AKT3: variants seen among roughly 807,000 people sequenced by gnomAD.
The protein encoded by AKT3 is RAC-gamma serine/threonine-protein kinase.
AKT3 carries 15 observed loss-of-function variants against 65.3 expected under a neutral mutation model. The observed-to-expected ratio is 0.23, with a 90% CI of 0.15 to 0.35. The LOEUF (loss-of-function observed/expected upper bound fraction) is 0.35. Ranked by LOEUF, AKT3 falls within the 10% of genes least tolerant of loss-of-function variation. The pLI is 1.00. For synonymous variants in AKT3, 206 were observed against 183.8 expected (o/e 1.12, Z -0.98); for missense variants, 243 against 576.5 (o/e 0.42, Z 5.92).
chr1:243,512,436 G>GAA lies in AKT3; in HGVS notation c.1252-12_1252-11dup, dbSNP rs765620067. The GAA allele has an allele frequency of 6.8e-7, 1 of 1,472,406 alleles. No homozygotes were observed. The highest frequency in any genetic ancestry group is 9.3e-7 in the Non-Finnish European group (1 of 1,077,880). 91.2% of individuals were successfully genotyped at this position (1,472,406 alleles called of 1,614,324 possible). On this transcript the variant is annotated splice_polypyrimidine_tract_variant and intron_variant, in intron 12 of 13. Coordinates refer to ENST00000673466, the MANE Select transcript of AKT3 (RefSeq NM_005465.7). ...TAAAAGGAGGTACAAGCTGTAAAAA[G>GAA]AAAGAAAAAGAGTTTTATTAACTGA...
intron 3 of AKT3, among the ~76,000 whole-genome samples, chr1:243,690,764 T>C (rs952577590): frequency 2.6e-5 from 4 of 152,094 alleles, no homozygotes; most frequent in African/African-American, 9.7e-5. Flanking sequence ...ATTTATGTGA[T>C]AGTCGAGACA....
rs11386712 is a variant in AKT3 at position 243,673,611 on chromosome 1, AT to A, written c.173-8729del. On this transcript the variant is annotated intron_variant, in intron 3 of 13. Coordinates refer to ENST00000673466, the MANE Select transcript of AKT3 (RefSeq NM_005465.7). ...GTAAAATCTGAAAAATAATTATGAG[AT>A]TTTTTTTTTTTTTTTTTTTTTAGAC... 9.9e-3 allele frequency among the ~76,000 whole-genome samples: 1,224 copies of A among 124,132 alleles called. 20 individuals are homozygous for A. Among genetic ancestry groups the A allele is most frequent in the African/African-American group, 0.031 (1,017 of 32,744 alleles). The allele number at this position is 124,132 out of a possible 152,430, so 81.4% of individuals were successfully genotyped here.
intron 2 of AKT3, among the ~76,000 whole-genome samples, chr1:243,787,901 C>T (rs1362828003): frequency 6.6e-6 from 1 of 152,134 alleles, no homozygotes; most frequent in Non-Finnish European, 1.5e-5. Context: ...ACACCACTGC[C>T]ACTCTCTTCC....
chr1:243,658,088 A>G (rs1681961460), intron 4 of AKT3, among the ~76,000 whole-genome samples: 1 of 152,158 alleles, frequency 6.6e-6, no homozygotes, highest in African/African-American at 2.4e-5. Context: ...TGATGCTGAC[A>G]AAAGCAGTAA....
At chr1:243,658,524 T>C (rs1020887234) in intron 4 of AKT3, among the ~76,000 whole-genome samples, 4 of 152,146 alleles carry the variant, frequency 2.6e-5, no homozygotes, top group African/African-American at 9.7e-5. Flanking sequence ...TTGTTGGGAA[T>C]GTAAAATAAC....
intron 11 of AKT3, among the ~76,000 whole-genome samples, chr1:243,547,168 T>A (rs886709397): frequency 2.9e-4 from 44 of 151,738 alleles, no homozygotes; most frequent in African/African-American, 1.0e-3. Context: ...GTGGCCAGTT[T>A]CGAGCTACCA....
At chr1:243,507,190 G>A (rs1366908927) in intron 13 of AKT3, among the ~76,000 whole-genome samples, 1 of 152,234 alleles carries the variant, frequency 6.6e-6, no homozygotes, top group Non-Finnish European at 1.5e-5. Flanking sequence ...CTGGGGCCAT[G>A]GCCAGGACTC....
chr1:243,566,406 A>G (rs1674159835), intron 9 of AKT3, among the ~76,000 whole-genome samples: 1 of 152,242 alleles, frequency 6.6e-6, no homozygotes, highest in African/African-American at 2.4e-5. Context: ...ACAACTGGGC[A>G]GTCCTGGGCA....
At chr1:243,636,402 G>A (rs960067126) in intron 6 of AKT3, among the ~76,000 whole-genome samples, 9 of 151,894 alleles carry the variant, frequency 5.9e-5, no homozygotes, top group Non-Finnish European at 4.4e-5. Flanking sequence ...TAAAAAGTTG[G>A]ATCACTTACT....
At chr1:243,634,303 C>G (rs563500213) in intron 6 of AKT3, among the ~76,000 whole-genome samples, 1 of 151,950 alleles carries the variant, frequency 6.6e-6, no homozygotes, top group East Asian at 1.9e-4. Flanking sequence ...TTGGTTGAAT[C>G]CATGGATATG....
At chr1:243,591,234 G>A (rs1359702867) in intron 8 of AKT3, among the ~76,000 whole-genome samples, 1 of 152,130 alleles carries the variant, frequency 6.6e-6, no homozygotes. Context: ...ACAATCACCA[G>A]GCTAACAGAA....
intron 2 of AKT3, among the ~76,000 whole-genome samples, chr1:243,773,498 C>T (rs1690331209): frequency 6.6e-6 from 1 of 151,992 alleles, no homozygotes; most frequent in Non-Finnish European, 1.5e-5. Flanking sequence ...GCTGTAGTCC[C>T]AGCTACTGGG....
intron 12 of AKT3, among the ~76,000 whole-genome samples, chr1:243,527,867 T>G (rs1671216920): frequency 9.6e-6 from 1 of 104,066 alleles, no homozygotes; most frequent in African/African-American, 4.4e-5. Flanking sequence ...CTCCATCTCT[T>G]AAAACACACA....
chr1:243,614,974 G>A (rs558619543), intron 7 of AKT3, 122 bp downstream of exon 7: 7 of 744,782 alleles, frequency 9.4e-6, no homozygotes, highest in South Asian at 5.7e-5. Context: ...TTTGACTTAC[G>A]TTCTTTCCAC....
intron 2 of AKT3, among the ~76,000 whole-genome samples, chr1:243,824,754 A>G (rs1694067041): frequency 6.6e-6 from 1 of 152,222 alleles, no homozygotes; most frequent in Non-Finnish European, 1.5e-5. Context: ...TCAAGAAACA[A>G]CAGATGCTAG....
intron 8 of AKT3, among the ~76,000 whole-genome samples, chr1:243,581,546 G>GA (rs993003910): frequency 1.3e-3 from 201 of 151,496 alleles, no homozygotes; most frequent in African/African-American, 4.7e-3. Context: ...AGGGAAAGGA[G>GA]AAAAAAATAT....
At chr1:243,744,746 A>G (rs1688377152) in intron 2 of AKT3, among the ~76,000 whole-genome samples, 1 of 151,308 alleles carries the variant, frequency 6.6e-6, no homozygotes, top group Non-Finnish European at 1.5e-5. Flanking sequence ...CTCAAAAAAA[A>G]AAAAAAAAAA....
At chr1:243,698,096 C>G (rs1199033189) in intron 2 of AKT3, among the ~76,000 whole-genome samples, 1 of 151,936 alleles carries the variant, frequency 6.6e-6, no homozygotes, top group Non-Finnish European at 1.5e-5. Flanking sequence ...ACAATTCCCA[C>G]GTTGAAAAAT....
rs187318135 is a variant in AKT3, at chr1:243,688,394, A to T, written c.172+7197T>A. Among the ~76,000 whole-genome samples the T allele has an allele frequency of 2.7e-3, 414 of 152,342 alleles. 1 individual carries two copies. Among genetic ancestry groups the T allele is most frequent in the Non-Finnish European group, 4.3e-3 (290 of 68,026 alleles). ...AAGTGTTTAATTGTGGATATATATTAAAAAATAATTCAGCTTTTCCTTGTC... is the reference window on the plus strand; with the variant it reads ...AAGTGTTTAATTGTGGATATATATTTAAAAATAATTCAGCTTTTCCTTGTC... On this transcript the variant is annotated intron_variant, in intron 3 of 13. Transcript: ENST00000673466.
Sources: allele counts gnomAD v4.1 joint callset (sites outside exome capture counted in the v4.1 genomes callset), GRCh38; gene constraint gnomAD v4.1.1; transcripts MANE v1.5; gene names NCBI Gene and HGNC (gene_info 2026-07-23, HGNC 2026-07-21).